The following LRP8 variants were observed in gnomAD, a reference collection of about 807,000 sequenced individuals.
The protein encoded by LRP8 is LDL receptor related protein 8, also known as low-density lipoprotein receptor-related protein 8.
A neutral mutation model predicts 111.6 loss-of-function variants in LRP8; 46 were observed. The ratio of observed to expected loss-of-function variants is 0.41; its 90% CI spans 0.33 to 0.53. The LOEUF (loss-of-function observed/expected upper bound fraction) is 0.53. Among genes scored for constraint, LRP8 ranks in the 20% least tolerant of loss-of-function variants. The pLI is 0.20. For missense variants in LRP8, 959 were observed against 1,297.4 expected (o/e 0.74, Z 4.01); for synonymous variants, 464 against 511.2 (o/e 0.91, Z 1.24).
chr1:53,313,769 G>T (rs12084300), intron 2 of LRP8, among the ~76,000 whole-genome samples: 6,711 of 152,270 alleles, frequency 0.044, 493 homozygotes, highest in African/African-American at 0.15. Context: ...GTACATGTCT[G>T]GTCTTGAAGG....
intron 2 of LRP8, among the ~76,000 whole-genome samples, chr1:53,314,691 C>T (rs1044655380): frequency 2.6e-5 from 4 of 152,174 alleles, no homozygotes; most frequent in South Asian, 2.1e-4. Context: ...GCCCAGTCCC[C>T]GGACGCATTG....
At chr1:53,288,754 C>T (rs965324370) in intron 3 of LRP8, among the ~76,000 whole-genome samples, 3 of 152,208 alleles carry the variant, frequency 2.0e-5, no homozygotes, top group Non-Finnish European at 4.4e-5. Flanking sequence ...CCTTTTGTCT[C>T]GGGCTCACGC....
At chr1:53,269,188 C>T (rs1646680065) in intron 8 of LRP8, among the ~76,000 whole-genome samples, 1 of 152,220 alleles carries the variant, frequency 6.6e-6, no homozygotes, top group South Asian at 2.1e-4. Flanking sequence ...ATTCCTTGAA[C>T]ATACTAGGCA....
intron 3 of LRP8, among the ~76,000 whole-genome samples, chr1:53,285,096 T>C (rs1477914093): frequency 1.3e-5 from 2 of 152,220 alleles, no homozygotes; most frequent in African/African-American, 4.8e-5. Flanking sequence ...GGTATCACCC[T>C]ATGAAGTGGA....
chr1:53,309,238 G>A (rs921066737), intron 2 of LRP8, among the ~76,000 whole-genome samples: 1 of 152,120 alleles, frequency 6.6e-6, no homozygotes, highest in African/African-American at 2.4e-5. Flanking sequence ...CCATGCCATT[G>A]CACTCCAGGC....
At chr1:53,253,779 C>G (rs951288946) in intron 16 of LRP8, among the ~76,000 whole-genome samples, 4 of 152,184 alleles carry the variant, frequency 2.6e-5, no homozygotes, top group South Asian at 4.1e-4. Context: ...CACTTTTACT[C>G]TGGAATTACC....
chr1:53,258,375 G>T lies in LRP8; in HGVS notation c.2153C>A (p.Thr718Lys). The T allele has an allele frequency of 6.2e-7, 1 of 1,614,174 alleles. No homozygotes were observed. Reference protein sequence around the residue: ...PQISSHSPKYTCACPDTMWLG... With the variant: ...PQISSHSPKYKCACPDTMWLG... ...CCACATTGTGTCAGGACAGGCACAT[G>T]TGTACTTGGGAGAGTGGCTGGAGAT... The change falls in exon 14 of 19, where the codon ACA becomes AAA. Residue 718 changes from threonine (T) to lysine (K), a missense_variant. By Grantham distance (78) the Thr-to-Lys change is moderately conservative (BLOSUM62 -1). Around this residue, in one of 3 missense-constraint regions of LRP8, gnomAD observed 819 missense variants for 1,097.6 expected, o/e 0.75. Transcript: ENST00000306052.
At position 53,275,710 on chromosome 1, in the gene LRP8, C is replaced by T; in HGVS notation, c.927G>A (p.Gly309=). Residue 309 remains glycine (G), a synonymous_variant, in exon 6 of 19, where the codon GGG becomes GGA. Coordinates refer to ENST00000306052, the MANE Select transcript of LRP8 (RefSeq NM_004631.5). The surrounding 1 kb of genome is among the most constrained non-coding windows in gnomAD (Gnocchi z 4.4). ...AGTGCTTGATTGCAAGGACACATGT[C>T]CCATCCCCACACTGGAACTCGTCCC... The part of the protein sequence containing the change: ...CRGDEFQCGD[G]TCVLAIKHCN... The T allele has an allele frequency of 6.2e-7, 1 of 1,614,098 alleles. No individual in the cohort carries two copies. The highest frequency in any genetic ancestry group is 1.1e-5 in the South Asian group (1 of 91,076).
rs138684272 is a variant in LRP8 at position 53,287,126 on chromosome 1, GC to G, written c.367+2440del. Among the ~76,000 whole-genome samples the G allele has an allele frequency of 3.1e-3, 477 of 152,332 alleles. 1 individual carries two copies. The highest frequency in any genetic ancestry group is 0.011 in the African/African-American group (461 of 41,570). ...GGGCTCCATCCTGGGAGCTGGCATAGCCCCAGGAACCTGGTGGGCCGTGGAG... is the reference window on the plus strand; with the variant it reads ...GGGCTCCATCCTGGGAGCTGGCATAGCCCAGGAACCTGGTGGGCCGTGGAG... On this transcript the variant is annotated intron_variant, in intron 3 of 18. Transcript: ENST00000306052.
intron 12 of LRP8, among the ~76,000 whole-genome samples, chr1:53,260,990 T>C (rs1646314623): frequency 1.3e-5 from 2 of 152,178 alleles, no homozygotes; most frequent in Admixed American, 1.3e-4. Flanking sequence ...GGGCTTCCTG[T>C]AGCCTCTGGG....
At chr1:53,297,452 G>A (rs981469740) in intron 2 of LRP8, among the ~76,000 whole-genome samples, 2 of 152,208 alleles carry the variant, frequency 1.3e-5, no homozygotes, top group Non-Finnish European at 2.9e-5. Context: ...CCCGCGTGTG[G>A]TGGGCGGGAC....
Position 53,327,004 on chromosome 1 carries a change from A to G in LRP8, c.125-12T>C, listed in dbSNP as rs748899834. ...ATCCTTGGCCGGCCCTGCGAGGGGG[A>G]GGGAGCGTGAGCTGGATCAGCGGAC... On this transcript the variant is annotated splice_polypyrimidine_tract_variant and intron_variant, in intron 1 of 18. Coordinates refer to ENST00000306052, the MANE Select transcript of LRP8 (RefSeq NM_004631.5). 4 of 1,609,952 alleles carry G rather than the reference A, an allele frequency of 2.5e-6. No homozygotes were observed. The highest frequency in any genetic ancestry group is 1.7e-4 in the Middle Eastern group (1 of 6,058).
At chr1:53,286,551 T>C (rs968643364) in intron 3 of LRP8, among the ~76,000 whole-genome samples, 1 of 152,058 alleles carries the variant, frequency 6.6e-6, no homozygotes, top group Non-Finnish European at 1.5e-5. Flanking sequence ...CCCAATCAAG[T>C]GAGCTATAAT....
At chr1:53,297,208 T>G (rs1208636120) in intron 2 of LRP8, among the ~76,000 whole-genome samples, 2 of 152,198 alleles carry the variant, frequency 1.3e-5, no homozygotes, top group African/African-American at 2.4e-5. Context: ...TCTAAGGCTG[T>G]AACACTCTGA....
intron 1 of LRP8, 128 bp downstream of exon 1, chr1:53,327,661 T>A: frequency 7.8e-7 from 1 of 1,279,396 alleles, no homozygotes; most frequent in South Asian, 1.9e-5. Flanking sequence ...CCGCTTCGCG[T>A]GGAGCCTGTC....
rs5180 is a variant in LRP8, at chr1:53,266,543, C to T, written c.1357G>A (p.Val453Met). ...GTGGCAACTTCCACATCTAGTGCCACGACATTCTTGAGCATGGGGATGAGG... is the reference window on the plus strand; with the variant it reads ...GTGGCAACTTCCACATCTAGTGCCATGACATTCTTGAGCATGGGGATGAGG... Reference protein sequence around the residue: ...SRLIPMLKNVVALDVEVATNR... With the variant: ...SRLIPMLKNVMALDVEVATNR... The change falls in exon 9 of 19, where the codon GTG becomes ATG. Residue 453 changes from valine (V) to methionine (M), a missense_variant. Val to Met is a conservative substitution (Grantham distance 21). Coordinates refer to ENST00000306052, the MANE Select transcript of LRP8 (RefSeq NM_004631.5). The surrounding 1 kb of genome is among the most constrained non-coding windows in gnomAD (Gnocchi z 5.0). 9.2e-5 allele frequency: 149 copies of T among 1,614,064 alleles called. 1 individual carries two copies. In the Middle Eastern group the frequency reaches 9.9e-4, roughly 11 times the overall value.
rs570129267 is a variant in LRP8 at position 53,250,026 on chromosome 1, C to A, written c.2677-470G>T. Among the ~76,000 whole-genome samples, 3 of 152,278 alleles carry A rather than the reference C, an allele frequency of 2.0e-5. No individual in the cohort carries two copies. The highest frequency in any genetic ancestry group is 4.4e-5 in the Non-Finnish European group (3 of 68,032). The stretch of plus-strand genomic sequence containing the variant: ...ACAGGGGCTGTGAGGTAGAGAGGCC[C>A]AGAGTACTGTGGGAGAACAAAGCAA... On this transcript the variant is annotated intron_variant, in intron 17 of 18. Coordinates refer to ENST00000306052, the MANE Select transcript of LRP8 (RefSeq NM_004631.5). The surrounding 1 kb of genome is among the most constrained non-coding windows in gnomAD (Gnocchi z 4.6).
intron 1 of LRP8, 35 bp from the exon 2 acceptor site, chr1:53,327,027 G>C (rs760553130): frequency 1.2e-6 from 2 of 1,607,444 alleles, no homozygotes; most frequent in Admixed American, 3.3e-5. Context: ...TGGATCAGCG[G>C]ACTCGGCCCC....
chr1:53,322,422 G>C (rs1205273189), intron 2 of LRP8, among the ~76,000 whole-genome samples: 1 of 152,196 alleles, frequency 6.6e-6, no homozygotes, highest in Non-Finnish European at 1.5e-5. Context: ...AGCCAGTGAG[G>C]GAGCAGGGTG....
Sources: gnomAD v4.1 joint callset for allele counts (sites outside exome capture counted in the v4.1 genomes callset) on GRCh38, gnomAD v4.1.1 for gene constraint, gnomAD v4.1.1 regional missense constraint, Gnocchi (gnomAD v3.1) non-coding constraint, MANE v1.5 for transcripts, NCBI Gene and HGNC (gene_info 2026-07-23, HGNC 2026-07-21) for gene names.